SUGCT: variants seen among roughly 807,000 people sequenced by gnomAD.
The protein encoded by SUGCT is succinyl-CoA:glutarate-CoA transferase, also known as succinyl-CoA:glutarate CoA-transferase.
A neutral mutation model predicts 55.0 loss-of-function variants in SUGCT; 41 were observed. The ratio of observed to expected loss-of-function variants is 0.74; its 90% CI spans 0.58 to 0.97. The LOEUF (loss-of-function observed/expected upper bound fraction) is 0.97. SUGCT is among the 50% of genes least tolerant of loss of function. The probability of loss-of-function intolerance (pLI) is 0.00; values close to 1 mark genes in which losing one functional copy is unlikely to be tolerated. For missense variants in SUGCT, 568 were observed against 547.8 expected (o/e 1.04, Z -0.37); for synonymous variants, 187 against 200.4 (o/e 0.93, Z 0.56).
intron 3 of SUGCT, among the ~76,000 whole-genome samples, chr7:40,182,607 A>G (rs1312230923): frequency 2.0e-5 from 3 of 151,664 alleles, no homozygotes; most frequent in Non-Finnish European, 4.4e-5. Flanking sequence ...GATGCAGCGT[A>G]TAACAACTAT....
At chr7:40,214,837 C>T (rs938880946) in intron 6 of SUGCT, among the ~76,000 whole-genome samples, 9 of 151,880 alleles carry the variant, frequency 5.9e-5, no homozygotes, top group Non-Finnish European at 1.2e-4. Flanking sequence ...TCACTTGAAC[C>T]CGGGAGGCGG....
intron 9 of SUGCT, among the ~76,000 whole-genome samples, chr7:40,410,867 C>A (rs188582585): frequency 7.7e-4 from 117 of 152,112 alleles, no homozygotes; most frequent in Non-Finnish European, 1.4e-3. Context: ...ACTTTTAAGT[C>A]TTTTTTAAGG....
chr7:40,772,542 CTA>C (rs1491221552), intron 13 of SUGCT, among the ~76,000 whole-genome samples: 36 of 149,652 alleles, frequency 2.4e-4, no homozygotes, highest in Non-Finnish European at 4.6e-4. Flanking sequence ...ATCTATCTAT[CTA>C]TCTATCTATC....
At chr7:40,787,878 G>T (rs1296965167) in intron 13 of SUGCT, among the ~76,000 whole-genome samples, 1 of 152,086 alleles carries the variant, frequency 6.6e-6, no homozygotes, top group East Asian at 1.9e-4. Flanking sequence ...CAGTAATGAT[G>T]CCCATCCCCG....
chr7:40,682,553 A>G (rs999489307), intron 12 of SUGCT, among the ~76,000 whole-genome samples: 5 of 152,188 alleles, frequency 3.3e-5, no homozygotes, highest in South Asian at 2.1e-4. Context: ...ATTACAGAGC[A>G]CTCAGTTGAT....
intron 6 of SUGCT, 59 bp downstream of exon 6, chr7:40,195,119 T>C: frequency 6.7e-7 from 1 of 1,499,014 alleles, no homozygotes; most frequent in Non-Finnish European, 8.9e-7. Flanking sequence ...TGTTTTCTTA[T>C]TGCTATAAGA....
chr7:40,673,250 C>G (rs1802029724), intron 12 of SUGCT, among the ~76,000 whole-genome samples: 1 of 152,132 alleles, frequency 6.6e-6, no homozygotes, highest in African/African-American at 2.4e-5. Flanking sequence ...TTCTATGTAT[C>G]AGGAGAACTT....
chr7:40,901,247 AG>A, the SUGCT span, among the ~76,000 whole-genome samples: 1 of 152,196 alleles, frequency 6.6e-6, no homozygotes, highest in Non-Finnish European at 1.5e-5. Context: ...ATAACTAATG[AG>A]GAAGTGACCC....
At chr7:40,419,658 T>A (rs1341322700) in intron 9 of SUGCT, among the ~76,000 whole-genome samples, 2 of 152,140 alleles carry the variant, frequency 1.3e-5, no homozygotes, top group Admixed American at 1.3e-4. Flanking sequence ...TCAGGTCCAC[T>A]GTTGAGGTCC....
At chr7:40,993,340 A>G in the SUGCT span, among the ~76,000 whole-genome samples, 1 of 152,140 alleles carries the variant, frequency 6.6e-6, no homozygotes, top group East Asian at 1.9e-4. Flanking sequence ...AGAGAGCTCA[A>G]TTATGGGAGG....
At position 40,357,555 on chromosome 7, in the gene SUGCT, C is replaced by T. The variant is rs184379994; in HGVS notation, c.816+40700C>T. Among the ~76,000 whole-genome samples, 158 of 152,178 alleles carry T rather than the reference C, an allele frequency of 1.0e-3. 1 individual carries two copies. The highest frequency in any genetic ancestry group is 2.1e-3 in the Non-Finnish European group (141 of 67,998). On this transcript the variant is annotated intron_variant, in intron 9 of 13. Coordinates refer to ENST00000335693, the MANE Select transcript of SUGCT (RefSeq NM_001193313.2). ...AGCATGAGAATGCGACATGTGGTCT[C>T]GGTCACAACTACTCACTTCTGCTGA...
chr7:40,411,008 G>T (rs1458963596), intron 9 of SUGCT, among the ~76,000 whole-genome samples: 1 of 152,054 alleles, frequency 6.6e-6, no homozygotes, highest in Non-Finnish European at 1.5e-5. Context: ...ATTCATCTTG[G>T]TAATTTTGTT....
intron 12 of SUGCT, among the ~76,000 whole-genome samples, chr7:40,649,690 A>T (rs912241617): frequency 1.3e-5 from 2 of 152,218 alleles, no homozygotes; most frequent in Non-Finnish European, 2.9e-5. Flanking sequence ...TGGTATTAAT[A>T]TGTATATGAG....
chr7:40,447,225 G>A (rs570410179), intron 9 of SUGCT, among the ~76,000 whole-genome samples: 2 of 152,218 alleles, frequency 1.3e-5, no homozygotes, highest in Admixed American at 1.3e-4. Flanking sequence ...TTTAGTGACT[G>A]GCTAATTTCA....
At chr7:40,750,369 TTTC>T (rs1182126008) in intron 13 of SUGCT, among the ~76,000 whole-genome samples, 1 of 152,234 alleles carries the variant, frequency 6.6e-6, no homozygotes, top group East Asian at 1.9e-4. Flanking sequence ...TTTTTTTTCT[TTTC>T]TTCTGATGGA....
chr7:40,710,230 C>T (rs902355814), intron 12 of SUGCT, among the ~76,000 whole-genome samples: 1 of 152,216 alleles, frequency 6.6e-6, no homozygotes, highest in African/African-American at 2.4e-5. Flanking sequence ...CGGACCACCT[C>T]TTTCTCTCTC....
At chr7:40,297,650 C>G (rs1794249635) in intron 8 of SUGCT, among the ~76,000 whole-genome samples, 1 of 152,136 alleles carries the variant, frequency 6.6e-6, no homozygotes, top group South Asian at 2.1e-4. Context: ...TACACTGAAA[C>G]AAAGCTCAAC....
chr7:40,159,459 C>G (rs564119060), intron 1 of SUGCT, among the ~76,000 whole-genome samples: 11 of 151,694 alleles, frequency 7.3e-5, no homozygotes, highest in Non-Finnish European at 1.3e-4. Flanking sequence ...CAATCTCTGC[C>G]TCCTGGGTTC....
At chr7:40,241,413 T>C (rs1789380948) in intron 7 of SUGCT, among the ~76,000 whole-genome samples, 1 of 151,416 alleles carries the variant, frequency 6.6e-6, no homozygotes, top group African/African-American at 2.4e-5. Flanking sequence ...ACCCCGTCTC[T>C]ACTAAAAATA....
Sources: allele counts gnomAD v4.1 joint callset (sites outside exome capture counted in the v4.1 genomes callset), GRCh38; gene constraint gnomAD v4.1.1; transcripts MANE v1.5; gene names NCBI Gene and HGNC (gene_info 2026-07-23, HGNC 2026-07-21).